RAP1GAP2: variants seen among roughly 807,000 people sequenced by gnomAD.
RAP1GAP2 encodes the protein RAP1 GTPase activating protein 2.
RAP1GAP2 carries 27 observed loss-of-function variants against 95.0 expected under a neutral mutation model. The ratio of observed to expected loss-of-function variants is 0.28; its 90% CI spans 0.21 to 0.39. RAP1GAP2 has a LOEUF of 0.39. Ranked by LOEUF, RAP1GAP2 falls within the 10% of genes least tolerant of loss-of-function variation. The probability of loss-of-function intolerance (pLI) is 1.00; values close to 1 mark genes in which losing one functional copy is unlikely to be tolerated. For synonymous variants in RAP1GAP2, 373 were observed against 380.9 expected (o/e 0.98, Z 0.24); for missense variants, 771 against 970.0 (o/e 0.79, Z 2.72).
chr17:2,778,482 AG>A (rs2068559983), intron 1 of RAP1GAP2, among the ~76,000 whole-genome samples: 1 of 152,054 alleles, frequency 6.6e-6, no homozygotes, highest in African/African-American at 2.4e-5. Flanking sequence ...TCCAGAGAAG[AG>A]GACCCTGCTG....
intron 2 of RAP1GAP2, among the ~76,000 whole-genome samples, chr17:2,890,685 CTTTT>C (rs374485374): frequency 2.2e-5 from 3 of 136,202 alleles, no homozygotes; most frequent in Non-Finnish European, 3.2e-5. Flanking sequence ...TCAGTGTTTA[CTTTT>C]TTTTTTTTTT....
At chr17:2,939,122 G>A (rs924755577) in intron 3 of RAP1GAP2, among the ~76,000 whole-genome samples, 4 of 151,840 alleles carry the variant, frequency 2.6e-5, no homozygotes, top group Admixed American at 6.6e-5. Flanking sequence ...ACAGAGTCCT[G>A]CTGTGTCGCC....
At position 3,035,707 on chromosome 17, in the gene RAP1GAP2, G is replaced by T. The variant is rs1192763201; in HGVS notation, c.*2346G>T. On this transcript the variant is annotated 3_prime_UTR_variant, in exon 25 of 25. Coordinates refer to ENST00000254695, the MANE Select transcript of RAP1GAP2 (RefSeq NM_015085.5). This position sits in a 1 kb window ranked among gnomAD's most constrained non-coding sequence, Gnocchi z 4.3. ...AGAGTGTGCACTTCCAGCCCACCCGGGCAGTGCTGAGAGGGAGGAGGAGAA... is the reference window on the plus strand; with the variant it reads ...AGAGTGTGCACTTCCAGCCCACCCGTGCAGTGCTGAGAGGGAGGAGGAGAA... 1 of 152,298 alleles carries T rather than the reference G, an allele frequency of 6.6e-6. No homozygotes were observed. Among genetic ancestry groups the T allele is most frequent in the Admixed American group, 6.5e-5 (1 of 15,282 alleles). The allele number at this position is 152,298 out of a possible 1,614,324, so 9.4% of individuals were successfully genotyped here.
At chr17:2,816,380 C>G (rs1318819945) in intron 2 of RAP1GAP2, among the ~76,000 whole-genome samples, 1 of 152,028 alleles carries the variant, frequency 6.6e-6, no homozygotes, top group South Asian at 2.1e-4. Context: ...CTCTGTCGCC[C>G]AGGCTGAAGT....
At position 2,866,327 on chromosome 17, in the gene RAP1GAP2, G is replaced by A. The variant is rs906856566; in HGVS notation, c.81-38957G>A. Among the ~76,000 whole-genome samples the A allele has an allele frequency of 3.3e-5, 5 of 152,230 alleles. No individual in the cohort carries two copies. The highest frequency in any genetic ancestry group is 7.2e-5 in the African/African-American group (3 of 41,466). ...TGTTAGGGCGGCCTGGGGCCATTTC[G>A]TGTTAGGTGTTGAATGCTGGGGAAA... On this transcript the variant is annotated intron_variant, in intron 2 of 24. Coordinates refer to ENST00000254695, the MANE Select transcript of RAP1GAP2 (RefSeq NM_015085.5). This position sits in a 1 kb window ranked among gnomAD's most constrained non-coding sequence, Gnocchi z 4.0.
chr17:2,832,281 G>A (rs965613430), intron 2 of RAP1GAP2, among the ~76,000 whole-genome samples: 5 of 151,036 alleles, frequency 3.3e-5, no homozygotes, highest in Non-Finnish European at 5.9e-5. Flanking sequence ...AGTCTCGGCC[G>A]GGCGCGGTGG....
At chr17:2,863,971 GA>G (rs780840345) in intron 2 of RAP1GAP2, among the ~76,000 whole-genome samples, 89 of 152,214 alleles carry the variant, frequency 5.8e-4, no homozygotes, top group Non-Finnish European at 1.1e-3. Context: ...AGAATCGCTT[GA>G]ACCCGGGAGG....
intron 10 of RAP1GAP2, 107 bp from the exon 11 acceptor site, chr17:2,984,876 A>G: frequency 6.5e-7 from 1 of 1,540,396 alleles, no homozygotes; most frequent in Non-Finnish European, 8.7e-7. Context: ...GTTTCATACC[A>G]GGGAACACAT....
intron 1 of RAP1GAP2, among the ~76,000 whole-genome samples, chr17:2,784,271 C>T (rs1342618578): frequency 6.7e-6 from 1 of 149,296 alleles, no homozygotes; most frequent in African/African-American, 2.5e-5. Context: ...CCACGCCTGG[C>T]CTATTTTTAT....
At chr17:2,992,535 T>G (rs953226024) in intron 12 of RAP1GAP2, among the ~76,000 whole-genome samples, 2 of 152,110 alleles carry the variant, frequency 1.3e-5, no homozygotes, top group Admixed American at 6.6e-5. Flanking sequence ...CCCTTGACTT[T>G]CCTTGGCCAA....
rs1489840730 is a variant in RAP1GAP2, at chr17:2,843,680, A to G, written c.80+43130A>G. Among the ~76,000 whole-genome samples, 4 of 151,954 alleles carry G rather than the reference A, an allele frequency of 2.6e-5. No individual in the cohort carries two copies. In the East Asian group the frequency reaches 7.8e-4, roughly 30 times the overall value. On this transcript the variant is annotated intron_variant, in intron 2 of 24. Transcript: ENST00000254695. ...CAGGGTGGGGCGGGGTGGGGCTGAG[A>G]TGGTTTCCGTCCAGGTTCTCCAAGA...
intron 2 of RAP1GAP2, among the ~76,000 whole-genome samples, chr17:2,844,795 G>T (rs566217472): frequency 6.6e-6 from 1 of 152,278 alleles, no homozygotes; most frequent in African/African-American, 2.4e-5. Context: ...CACAAAGAGG[G>T]GCATTTTCCC....
At chr17:2,830,771 T>TA (rs1035975900) in intron 2 of RAP1GAP2, among the ~76,000 whole-genome samples, 16 of 152,102 alleles carry the variant, frequency 1.1e-4, no homozygotes, top group Middle Eastern at 3.4e-3. Flanking sequence ...TAAATGTATT[T>TA]ACATGGTTGG....
rs117272559 is a variant in RAP1GAP2, at chr17:2,839,440, A to G, written c.80+38890A>G. On this transcript the variant is annotated intron_variant, in intron 2 of 24. Coordinates refer to ENST00000254695, the MANE Select transcript of RAP1GAP2 (RefSeq NM_015085.5). ...GTACGATCCATTTGCTATAATTAAC[A>G]TTAGTGTGGTCCATTTGCTATAATT... Among the ~76,000 whole-genome samples the G allele has an allele frequency of 2.0e-4, 31 of 152,328 alleles. No individual in the cohort carries two copies. In the East Asian group the frequency reaches 6.0e-3, roughly 29 times the overall value.
rs1018345267 is a variant in RAP1GAP2, at chr17:2,866,233, CAG to C, written c.81-39050_81-39049del. Among the ~76,000 whole-genome samples the C allele has an allele frequency of 6.6e-5, 10 of 152,342 alleles. No homozygotes were observed. Among genetic ancestry groups the C allele is most frequent in the Admixed American group, 2.6e-4 (4 of 15,296 alleles). On this transcript the variant is annotated intron_variant, in intron 2 of 24. Transcript: ENST00000254695. This position sits in a 1 kb window ranked among gnomAD's most constrained non-coding sequence, Gnocchi z 4.0. ...AAGACAAGGGGCCAAGATAAAAAAA[CAG>C]GGGCCCGCTCAGATCCCACCTTGGC...
intron 8 of RAP1GAP2, among the ~76,000 whole-genome samples, chr17:2,979,156 G>A (rs1028507581): frequency 1.3e-5 from 2 of 152,160 alleles, no homozygotes; most frequent in African/African-American, 4.8e-5. Context: ...AAAGCATTCA[G>A]TAAAATCCAG....
At chr17:2,874,886 C>G (rs769885876) in intron 2 of RAP1GAP2, among the ~76,000 whole-genome samples, 2 of 152,178 alleles carry the variant, frequency 1.3e-5, no homozygotes, top group Non-Finnish European at 2.9e-5. Flanking sequence ...CTCACACAGC[C>G]TCATACTCGC....
chr17:2,897,778 TCTCCAGC>T (rs2041887960), intron 2 of RAP1GAP2, among the ~76,000 whole-genome samples: 1 of 152,020 alleles, frequency 6.6e-6, no homozygotes, highest in African/African-American at 2.4e-5. Flanking sequence ...TTCCCTCGGC[TCTCCAGC>T]CTCCACGTGC....
intron 2 of RAP1GAP2, among the ~76,000 whole-genome samples, chr17:2,877,802 G>A (rs2073149585): frequency 6.6e-6 from 1 of 152,150 alleles, no homozygotes. Context: ...CTCATGGTGA[G>A]GGTGACAGGA....
Sources: gnomAD v4.1 joint callset for allele counts (sites outside exome capture counted in the v4.1 genomes callset) on GRCh38, gnomAD v4.1.1 for gene constraint, Gnocchi (gnomAD v3.1) non-coding constraint, MANE v1.5 for transcripts, NCBI Gene and HGNC (gene_info 2026-07-23, HGNC 2026-07-21) for gene names.